Variants in ZNF385D observed in about 807,000 individuals in gnomAD.
ZNF385D encodes zinc finger protein 385D, also known as zinc finger protein 659.
ZNF385D carries 15 observed loss-of-function variants against 35.8 expected under a neutral mutation model. The observed-to-expected ratio is 0.42, with a 90% CI of 0.28 to 0.64. The LOEUF (loss-of-function observed/expected upper bound fraction) is 0.64. Ranked by LOEUF, ZNF385D falls within the 30% of genes least tolerant of loss-of-function variation. The pLI is 0.23. For synonymous variants in ZNF385D, 212 were observed against 186.8 expected (o/e 1.13, Z -1.10); for missense variants, 474 against 494.6 (o/e 0.96, Z 0.39).
intron 1 of ZNF385D, among the ~76,000 whole-genome samples, chr3:21,669,725 T>C (rs979971218): frequency 1.3e-5 from 2 of 152,214 alleles, no homozygotes; most frequent in South Asian, 2.1e-4. Flanking sequence ...ATGAGAAATA[T>C]ATTTTTTAAT....
chr3:21,636,377 A>ATTTT (rs1266978058), intron 2 of ZNF385D, among the ~76,000 whole-genome samples: 1 of 50,728 alleles, frequency 2.0e-5, no homozygotes, highest in Non-Finnish European at 3.5e-5. Flanking sequence ...TATATATATG[A>ATTTT]TTATATATAT....
At chr3:21,542,988 T>C (rs1430199494) in intron 3 of ZNF385D, 1 of 152,984 alleles carries the variant, frequency 6.5e-6, no homozygotes, top group East Asian at 1.9e-4. Context: ...GTTGGGGCTC[T>C]TGAAGAGGTG....
intron 2 of ZNF385D, among the ~76,000 whole-genome samples, chr3:22,228,967 G>T (rs1053685470): frequency 6.6e-6 from 1 of 152,214 alleles, no homozygotes; most frequent in Non-Finnish European, 1.5e-5. Flanking sequence ...ATGCTGCACT[G>T]TTCTCCTTTG....
intron 3 of ZNF385D, among the ~76,000 whole-genome samples, chr3:22,144,891 G>T (rs1405857952): frequency 6.6e-6 from 1 of 152,076 alleles, no homozygotes; most frequent in African/African-American, 2.4e-5. Context: ...TGAAATTATG[G>T]TTAAATAAGT....
At chr3:22,021,890 GAAT>G (rs1489686671) in intron 3 of ZNF385D, among the ~76,000 whole-genome samples, 1 of 152,070 alleles carries the variant, frequency 6.6e-6, no homozygotes, top group Non-Finnish European at 1.5e-5. Flanking sequence ...GGAATGTTTA[GAAT>G]AATTCCCAGG....
At chr3:21,753,789 T>TTG (rs145331908), upstream of ZNF385D, among the ~76,000 whole-genome samples, 183 of 124,650 alleles carry the variant, frequency 1.5e-3, 1 homozygote, top group South Asian at 4.0e-3. Flanking sequence ...GTTGTTGTTG[T>TTG]TGTGTGTGTG....
intron 3 of ZNF385D, among the ~76,000 whole-genome samples, chr3:21,946,953 T>G (rs12485586): frequency 0.12 from 18,149 of 152,210 alleles, 1,435 homozygotes; most frequent in South Asian, 0.26. Flanking sequence ...TTATTTAAAT[T>G]CAAATACCTG....
intron 3 of ZNF385D, among the ~76,000 whole-genome samples, chr3:21,991,024 G>A (rs931713821): frequency 6.6e-6 from 1 of 152,218 alleles, no homozygotes; most frequent in African/African-American, 2.4e-5. Flanking sequence ...GCAGTGGTTT[G>A]TTACGGAGGT....
intron 1 of ZNF385D, among the ~76,000 whole-genome samples, chr3:21,737,794 C>T (rs776805328): frequency 6.6e-6 from 1 of 152,140 alleles, no homozygotes; most frequent in Non-Finnish European, 1.5e-5. Flanking sequence ...GCACATGTGG[C>T]ACATTGCCTG....
chr3:21,809,402 C>T (rs891741617), intron 3 of ZNF385D, among the ~76,000 whole-genome samples: 3 of 151,760 alleles, frequency 2.0e-5, no homozygotes, highest in Non-Finnish European at 4.4e-5. Context: ...ATAATATTGT[C>T]TAATGCGGTT....
intron 3 of ZNF385D, among the ~76,000 whole-genome samples, chr3:21,828,315 G>A (rs1174337352): frequency 2.0e-5 from 3 of 152,136 alleles, no homozygotes; most frequent in Non-Finnish European, 4.4e-5. Context: ...GGAAATAGGT[G>A]TTCATAGCTT....
At chr3:21,624,618 G>C (rs1477047553) in intron 2 of ZNF385D, among the ~76,000 whole-genome samples, 1 of 151,850 alleles carries the variant, frequency 6.6e-6, no homozygotes, top group South Asian at 2.1e-4. Flanking sequence ...CAACTTTCCA[G>C]AGAAACTTTG....
intron 2 of ZNF385D, among the ~76,000 whole-genome samples, chr3:21,647,340 T>C (rs958328421): frequency 6.6e-6 from 1 of 151,806 alleles, no homozygotes; most frequent in Admixed American, 6.6e-5. Flanking sequence ...CTTCCTTTCT[T>C]CATTCCTTCC....
At chr3:22,339,063 G>C (rs1263260376) in intron 2 of ZNF385D, among the ~76,000 whole-genome samples, 1 of 151,932 alleles carries the variant, frequency 6.6e-6, no homozygotes, top group East Asian at 1.9e-4. Flanking sequence ...AGAGATGATA[G>C]GCACATTATA....
Position 22,064,850 on chromosome 3 carries a change from C to T in ZNF385D, c.325+103967G>A, listed in dbSNP as rs537755400. Among the ~76,000 whole-genome samples, 373 of 152,256 alleles carry T rather than the reference C, an allele frequency of 2.4e-3. 1 individual carries two copies. The highest frequency in any genetic ancestry group is 3.5e-3 in the Non-Finnish European group (235 of 68,024). On this transcript the variant is annotated intron_variant, in intron 3 of 5. Transcript: ENST00000494108. Reference sequence around the variant, plus strand: ...AGTTCAGTTAGAGAGGAGGAAGAATCTTTAGTGATCTATTGCACAGCATGG... The same window carrying T: ...AGTTCAGTTAGAGAGGAGGAAGAATTTTTAGTGATCTATTGCACAGCATGG...
chr3:21,923,865 A>G (rs1245183025), intron 3 of ZNF385D, among the ~76,000 whole-genome samples: 1 of 152,156 alleles, frequency 6.6e-6, no homozygotes. Flanking sequence ...AATGGTTAAT[A>G]AACTAACTCT....
At chr3:21,943,291 T>C (rs1701621655) in intron 3 of ZNF385D, among the ~76,000 whole-genome samples, 1 of 151,456 alleles carries the variant, frequency 6.6e-6, no homozygotes, top group Non-Finnish European at 1.5e-5. Flanking sequence ...TGTGTGTGTG[T>C]ATAGATGTGT....
chr3:21,874,449 G>T (rs1292749185), intron 3 of ZNF385D, among the ~76,000 whole-genome samples: 1 of 151,978 alleles, frequency 6.6e-6, no homozygotes, highest in East Asian at 1.9e-4. Context: ...CTCCCACTCT[G>T]TATTGCCTCT....
chr3:22,353,116 C>T (rs535207145), intron 2 of ZNF385D, among the ~76,000 whole-genome samples: 65 of 152,306 alleles, frequency 4.3e-4, no homozygotes, highest in African/African-American at 1.5e-3. Context: ...TTGTTACATC[C>T]TATTCCTTCC....
Sources: allele counts gnomAD v4.1 joint callset (sites outside exome capture counted in the v4.1 genomes callset), GRCh38; gene constraint gnomAD v4.1.1; transcripts MANE v1.5; gene names NCBI Gene and HGNC (gene_info 2026-07-23, HGNC 2026-07-21).